The following PCNX1 variants were observed in gnomAD, a reference collection of about 807,000 sequenced individuals.
PCNX1 encodes pecanex-like protein 1.
A neutral mutation model predicts 242.2 loss-of-function variants in PCNX1; 78 were observed. The observed-to-expected ratio is 0.32, with a 90% CI of 0.27 to 0.39. PCNX1 has a LOEUF of 0.39. Among genes scored for constraint, PCNX1 ranks in the 10% least tolerant of loss-of-function variants. The pLI is 1.00. For missense variants in PCNX1, 2,581 were observed against 2,856.5 expected (o/e 0.90, Z 2.20); for synonymous variants, 1,024 against 1,032.9 (o/e 0.99, Z 0.17).
At chr14:71,000,943 A>T (rs1417679877) in intron 8 of PCNX1, among the ~76,000 whole-genome samples, 1 of 152,214 alleles carries the variant, frequency 6.6e-6, no homozygotes, top group African/African-American at 2.4e-5. Flanking sequence ...TTGCTCTACC[A>T]GTTATTAACT....
At chr14:71,050,891 G>C (rs773521769) in intron 23 of PCNX1, 131 bp downstream of exon 23, 4 of 841,322 alleles carry the variant, frequency 4.8e-6, no homozygotes, top group Non-Finnish European at 5.3e-6. Flanking sequence ...AATCTTGGCC[G>C]GGTGCAGTGG....
intron 29 of PCNX1, 82 bp from the exon 30 acceptor site, chr14:71,089,110 C>T: frequency 9.7e-7 from 1 of 1,034,210 alleles, no homozygotes; most frequent in East Asian, 2.4e-5. Flanking sequence ...CCAGGTGATT[C>T]TGATGCACAC....
chr14:70,911,639 CTTTG>C (rs933330094), intron 1 of PCNX1, among the ~76,000 whole-genome samples: 9 of 151,926 alleles, frequency 5.9e-5, no homozygotes, highest in African/African-American at 2.2e-4. Context: ...TGAATCTTGG[CTTTG>C]TTATTGATTG....
At position 70,985,277 on chromosome 14, in the gene PCNX1, C is replaced by T. The variant is rs182103199; in HGVS notation, c.2312-3290C>T. On this transcript the variant is annotated intron_variant, in intron 6 of 35. Coordinates refer to ENST00000304743, the MANE Select transcript of PCNX1 (RefSeq NM_014982.3). ...TTGCCTAGGCTGGAGTGCAGTGGCACGATCTTGGCTCACTGCAACCTCCGC... is the reference window on the plus strand; with the variant it reads ...TTGCCTAGGCTGGAGTGCAGTGGCATGATCTTGGCTCACTGCAACCTCCGC... Among the ~76,000 whole-genome samples the T allele has an allele frequency of 2.3e-3, 347 of 152,246 alleles. 1 individual carries two copies. The highest frequency in any genetic ancestry group is 8.0e-3 in the African/African-American group (331 of 41,572).
intron 16 of PCNX1, chr14:71,031,803 T>C: frequency 1.3e-6 from 2 of 1,482,732 alleles, no homozygotes; most frequent in East Asian, 2.3e-5. Context: ...AGCCCATGCA[T>C]AGCTTGGCAG....
chr14:71,092,651 G>A (rs1183769324), intron 30 of PCNX1: 1 of 152,240 alleles, frequency 6.6e-6, no homozygotes, highest in Admixed American at 6.5e-5. Flanking sequence ...AGCCACAAAG[G>A]ACATTTTTTT....
At chr14:70,940,387 G>A (rs1441272295) in intron 1 of PCNX1, among the ~76,000 whole-genome samples, 1 of 152,124 alleles carries the variant, frequency 6.6e-6, no homozygotes, top group African/African-American at 2.4e-5. Flanking sequence ...CACATATGAA[G>A]CTTAGTTTGG....
At chr14:70,944,982 A>G (rs1360203792) in intron 1 of PCNX1, among the ~76,000 whole-genome samples, 2 of 152,092 alleles carry the variant, frequency 1.3e-5, no homozygotes, top group Non-Finnish European at 2.9e-5. Flanking sequence ...TTCTTTATAA[A>G]TTACCCAGTC....
chr14:71,114,622 A>T lies in PCNX1; in HGVS notation c.*4687A>T, dbSNP rs1264593903. The T allele has an allele frequency of 6.6e-6, 1 of 152,610 alleles. No individual in the cohort carries two copies. The highest frequency in any genetic ancestry group is 2.4e-5 in the African/African-American group (1 of 41,432). The allele number at this position is 152,610 out of a possible 1,614,324, so 9.5% of individuals were successfully genotyped here. On this transcript the variant is annotated 3_prime_UTR_variant, in exon 36 of 36. Coordinates refer to ENST00000304743, the MANE Select transcript of PCNX1 (RefSeq NM_014982.3). ...TTTGGTGGAACTAGAGCTGATTGTCACCACAAGGTTATATGACAACTCTGT... is the reference window on the plus strand; with the variant it reads ...TTTGGTGGAACTAGAGCTGATTGTCTCCACAAGGTTATATGACAACTCTGT...
chr14:71,076,312 C>T lies in PCNX1; in HGVS notation c.5230C>T (p.Pro1744Ser), dbSNP rs762930523. The T allele has an allele frequency of 6.2e-7, 1 of 1,613,894 alleles. No individual in the cohort carries two copies. Residue 1744 changes from proline (P) to serine (S), a missense_variant, in exon 28 of 36, where the codon CCA becomes TCA. By Grantham distance (74) the Pro-to-Ser change is moderately conservative. Around this residue, in one of 9 missense-constraint regions of PCNX1, gnomAD observed 298 missense variants for 480.1 expected, o/e 0.62. Coordinates refer to ENST00000304743, the MANE Select transcript of PCNX1 (RefSeq NM_014982.3). ...NYVDVDPTFN[P>S]NIDEDYDHRL... ...TGTCGATGTGGACCCGACCTTTAATCCAAACATTGATGAAGACTATGACCA... is the reference window on the plus strand; with the variant it reads ...TGTCGATGTGGACCCGACCTTTAATTCAAACATTGATGAAGACTATGACCA...
At chr14:71,020,167 T>C (rs935630756) in intron 12 of PCNX1, among the ~76,000 whole-genome samples, 2 of 152,240 alleles carry the variant, frequency 1.3e-5, no homozygotes, top group Non-Finnish European at 2.9e-5. Context: ...CACATTTTCT[T>C]TATCCAGTCT....
chr14:70,994,496 T>C lies in PCNX1; in HGVS notation c.2445-1245T>C, dbSNP rs2059287491. ...CATTCTGCAATACATGAGTTTGTTT[T>C]ATGTGTACTAGAGAAACAATTACAT... On this transcript the variant is annotated intron_variant, in intron 7 of 35. Coordinates refer to ENST00000304743, the MANE Select transcript of PCNX1 (RefSeq NM_014982.3). Among the ~76,000 whole-genome samples, 3 of 148,934 alleles carry C rather than the reference T, an allele frequency of 2.0e-5. 1 individual carries two copies. In the Middle Eastern group the frequency reaches 0.011, roughly 528 times the overall value.
At position 70,977,982 on chromosome 14, in the gene PCNX1, G is replaced by A. The variant is rs774496968; in HGVS notation, c.1645G>A (p.Val549Ile). 2.8e-5 allele frequency: 45 copies of A among 1,614,008 alleles called. No individual in the cohort carries two copies. Among genetic ancestry groups the A allele is most frequent in the South Asian group, 1.2e-4 (11 of 91,084 alleles). The change falls in exon 6 of 36, where the codon GTA (valine) becomes ATA (isoleucine). Residue 549 changes from valine to isoleucine, a missense_variant. This residue lies in a region of PCNX1 where 1,204 missense variants were observed against 1,216.7 expected (regional missense o/e 0.99). Transcript: ENST00000304743. ...EGDVRPKSSS[V>I]IHRTASAHKS... ...GGATGTTCGACCTAAATCTTCTAGC[G>A]TAATCCATCGGACAGCTTCTGCCCA...
chr14:71,109,158 C>A, intron 34 of PCNX1, 112 bp downstream of exon 34: 1 of 1,001,662 alleles, frequency 1.0e-6, no homozygotes, highest in Non-Finnish European at 1.4e-6. Flanking sequence ...AGTCTCAGGA[C>A]TAGAATATTT....
Position 71,102,198 on chromosome 14 carries a change from A to G in PCNX1, c.5798A>G (p.Tyr1933Cys), listed in dbSNP as rs763845746. 7.4e-6 allele frequency: 12 copies of G among 1,611,882 alleles called. No individual in the cohort carries two copies. The highest frequency in any genetic ancestry group is 3.3e-5 in the South Asian group (3 of 91,034). Residue 1933 changes from tyrosine to cysteine, a missense_variant, in exon 31 of 36, where the codon TAC becomes TGC. By Grantham distance (194) the Tyr-to-Cys change is radical. This residue lies in a region of PCNX1 where 298 missense variants were observed against 480.1 expected (regional missense o/e 0.62). Transcript: ENST00000304743. ...EYKIIMLNRR[Y>C]LSFRVIKVNK... ...AAAATCATCATGCTCAACAGACGCT[A>G]CCTGAGCTTCAGGGTCATTAAAGTA...
chr14:70,994,339 A>G (rs757298119), intron 7 of PCNX1, among the ~76,000 whole-genome samples: 3 of 148,508 alleles, frequency 2.0e-5, no homozygotes, highest in African/African-American at 7.4e-5. Context: ...GTCACAGGCT[A>G]CTGTATCAGA....
chr14:71,033,501 C>T lies in PCNX1; in HGVS notation c.3631C>T (p.His1211Tyr), dbSNP rs1337272760. 1.9e-6 allele frequency: 3 copies of T among 1,604,496 alleles called. No homozygotes were observed. The East Asian group carries it at 6.7e-5, about 36-fold the overall frequency. Reference protein sequence around the residue: ...FCGLLVAVSYHLSRQSSDPSV... With the variant: ...FCGLLVAVSYYLSRQSSDPSV... ...TGGTTTATTAGTGGCAGTGTCTTAC[C>T]ATCTCAGCCGACAAAGCAGTGATCC... Residue 1211 changes from histidine (H) to tyrosine (Y), a missense_variant, in exon 17 of 36, where the codon CAT becomes TAT. His to Tyr is a moderately conservative substitution (Grantham distance 83). Coordinates refer to ENST00000304743, the MANE Select transcript of PCNX1 (RefSeq NM_014982.3).
chr14:71,086,011 CT>C (rs1486504334), intron 28 of PCNX1, among the ~76,000 whole-genome samples: 1 of 152,114 alleles, frequency 6.6e-6, no homozygotes, highest in Non-Finnish European at 1.5e-5. Context: ...TATTTTCAGT[CT>C]TTTTTCTCTC....
chr14:71,052,741 A>G (rs544416587), intron 24 of PCNX1, among the ~76,000 whole-genome samples: 2 of 152,326 alleles, frequency 1.3e-5, no homozygotes, highest in South Asian at 4.1e-4. Context: ...TGAGAAGATA[A>G]GTTTGTAATG....
Sources: allele counts gnomAD v4.1 joint callset (sites outside exome capture counted in the v4.1 genomes callset), GRCh38; gene constraint gnomAD v4.1.1; regional missense constraint gnomAD v4.1.1; transcripts MANE v1.5; gene names NCBI Gene and HGNC (gene_info 2026-07-23, HGNC 2026-07-21).